The following CCDC92B variants were observed in gnomAD, a reference collection of about 807,000 sequenced individuals.
CCDC92B encodes coiled-coil domain-containing 92B.
Under a neutral mutation model 5.6 loss-of-function variants are expected in CCDC92B, and 2 were observed. That is an observed-to-expected ratio of 0.36 (90% CI 0.15 to 1.12). CCDC92B has a LOEUF of 1.12. Ranked by LOEUF, CCDC92B falls within the 50% of genes most tolerant of loss-of-function variation. CCDC92B has a pLI of 0.40. For synonymous variants in CCDC92B, 115 were observed against 122.3 expected, an observed-to-expected ratio of 0.94 and a Z score of 0.39; for missense variants, 271 against 262.2, an observed-to-expected ratio of 1.03 and a Z score of -0.23.
intron 3 of CCDC92B, among the ~76,000 whole-genome samples, chr17:2,728,386 T>G (rs1597234730): frequency 6.6e-6 from 1 of 150,902 alleles, no homozygotes; most frequent in East Asian, 2.0e-4. Flanking sequence ...GGTGGGTGGA[T>G]CACGAGGTCA....
intron 3 of CCDC92B, among the ~76,000 whole-genome samples, chr17:2,725,809 C>G (rs2070721880): frequency 6.6e-6 from 1 of 151,578 alleles, no homozygotes; most frequent in African/African-American, 2.4e-5. Flanking sequence ...GCAGAAGAGA[C>G]TTGAGCTAAG....
intron 3 of CCDC92B, among the ~76,000 whole-genome samples, chr17:2,725,331 C>T (rs1182427715): frequency 4.6e-5 from 7 of 151,860 alleles, no homozygotes; most frequent in Non-Finnish European, 8.8e-5. Flanking sequence ...TGCAGTGAGC[C>T]GAGATCACGC....
chr17:2,727,833 A>G (rs982668349), intron 3 of CCDC92B, among the ~76,000 whole-genome samples: 1 of 151,192 alleles, frequency 6.6e-6, no homozygotes, highest in African/African-American at 2.4e-5. Context: ...CAAAAAAAAA[A>G]AAAACGAAAG....
chr17:2,739,199 C>T (rs1276051271), intron 1 of CCDC92B, among the ~76,000 whole-genome samples: 1 of 149,588 alleles, frequency 6.7e-6, no homozygotes, highest in Non-Finnish European at 1.5e-5. Flanking sequence ...AACCCCATCT[C>T]TACTAAAAAT....
In CCDC92B at chr17:2,724,921, C is replaced by T. The variant is rs939789871; in HGVS notation, c.258G>A (p.Glu86=). The change falls in exon 4 of 4, where the codon GAG becomes GAA. Residue 86 remains glutamate, a synonymous_variant. Coordinates refer to ENST00000614400, the MANE Select transcript of CCDC92B (RefSeq NM_001355573.2). This position sits in a 1 kb window ranked among gnomAD's most constrained non-coding sequence, Gnocchi z 5.0. ...QLEARAAANA[E]LRREVAQREA... Reference sequence around the variant, plus strand: ...CGCGCTGCGCCACCTCCCGCCGCAGCTCCGCGTTGGCCGCAGCACGCGCCT... The same window carrying T: ...CGCGCTGCGCCACCTCCCGCCGCAGTTCCGCGTTGGCCGCAGCACGCGCCT... 2.4e-5 allele frequency: 24 copies of T among 985,312 alleles called. No individual in the cohort carries two copies. The highest frequency in any genetic ancestry group is 6.1e-5 in the Admixed American group (1 of 16,266). The allele number at this position is 985,312 out of a possible 1,614,324, so 61.0% of individuals were successfully genotyped here. A position where few individuals can be genotyped will look rare whatever the true frequency, so the allele number is the denominator to read the frequency against.
At chr17:2,747,922 T>G (rs2071006345) in intron 1 of CCDC92B, among the ~76,000 whole-genome samples, 1 of 152,190 alleles carries the variant, frequency 6.6e-6, no homozygotes, top group Admixed American at 6.5e-5. Flanking sequence ...ATTAACTCAT[T>G]TATCTTGGCA....
In CCDC92B at chr17:2,720,945, C is replaced by T. The variant is rs1264330391; in HGVS notation, c.*3466G>A. The T allele has an allele frequency of 6.6e-6, 1 of 152,248 alleles. No individual in the cohort carries two copies. The highest frequency in any genetic ancestry group is 6.5e-5 in the Admixed American group (1 of 15,284). 9.4% of individuals were successfully genotyped at this position (152,248 alleles called of 1,614,324 possible). On this transcript the variant is annotated 3_prime_UTR_variant, in exon 4 of 4. Transcript: ENST00000614400. ...ACAGAGAATTTGGAGCAGGGTCCCTCTGCCCTGCCACAGGGCTCCTGCCAG... is the reference window on the plus strand; with the variant it reads ...ACAGAGAATTTGGAGCAGGGTCCCTTTGCCCTGCCACAGGGCTCCTGCCAG...
intron 2 of CCDC92B, among the ~76,000 whole-genome samples, chr17:2,732,971 C>G (rs1423835968): frequency 6.6e-6 from 1 of 151,594 alleles, no homozygotes; most frequent in East Asian, 1.9e-4. Context: ...CGAGATCACG[C>G]CACTGCACTC....
chr17:2,742,509 T>A (rs1292756885), intron 1 of CCDC92B, among the ~76,000 whole-genome samples: 1 of 152,030 alleles, frequency 6.6e-6, no homozygotes, highest in African/African-American at 2.4e-5. Flanking sequence ...TTCATGATGA[T>A]AGGGAGGGGG....
At position 2,724,791 on chromosome 17, in the gene CCDC92B, G is replaced by T; in HGVS notation, c.388C>A (p.Leu130Met). 1.0e-6 allele frequency: 1 copy of T among 984,868 alleles called. No individual in the cohort carries two copies. Among genetic ancestry groups the T allele is most frequent in the Non-Finnish European group, 1.2e-6 (1 of 829,764 alleles). 61.0% of individuals were successfully genotyped at this position (984,868 alleles called of 1,614,324 possible). Reference protein sequence around the residue: ...SHRATVLGTELQKHTEAAAYL... With the variant: ...SHRATVLGTEMQKHTEAAAYL... ...GCGGCCGCCTCGGTGTGCTTCTGCA[G>T]CTCGGTGCCCAGCACGGTGGCGCGG... Residue 130 changes from leucine to methionine, a missense_variant, in exon 4 of 4, where the codon CTG becomes ATG. By Grantham distance (15) the Leu-to-Met change is conservative. Coordinates refer to ENST00000614400, the MANE Select transcript of CCDC92B (RefSeq NM_001355573.2). This position sits in a 1 kb window ranked among gnomAD's most constrained non-coding sequence, Gnocchi z 5.0.
chr17:2,730,240 G>A (rs897850019), intron 3 of CCDC92B, among the ~76,000 whole-genome samples: 1 of 152,104 alleles, frequency 6.6e-6, no homozygotes, highest in African/African-American at 2.4e-5. Flanking sequence ...AACTGAGGTG[G>A]TGCAGGTTGT....
intron 1 of CCDC92B, among the ~76,000 whole-genome samples, chr17:2,742,270 A>G (rs2070934655): frequency 6.6e-6 from 1 of 151,924 alleles, no homozygotes; most frequent in African/African-American, 2.4e-5. Flanking sequence ...GGGTCTCACT[A>G]TGTTGCCCAG....
chr17:2,733,545 C>G (rs2070821579), intron 2 of CCDC92B, among the ~76,000 whole-genome samples: 1 of 151,934 alleles, frequency 6.6e-6, no homozygotes, highest in African/African-American at 2.4e-5. Flanking sequence ...AGGCGTGAGC[C>G]ACCGTGCCCA....
intron 3 of CCDC92B, among the ~76,000 whole-genome samples, chr17:2,729,131 T>C (rs1032318669): frequency 7.2e-5 from 11 of 152,316 alleles, no homozygotes; most frequent in African/African-American, 2.4e-4. Flanking sequence ...CTTGGTTTCC[T>C]AAAGTCTTGG....
At chr17:2,726,581 T>C (rs2070733798) in intron 3 of CCDC92B, among the ~76,000 whole-genome samples, 1 of 152,038 alleles carries the variant, frequency 6.6e-6, no homozygotes, top group African/African-American at 2.4e-5. Flanking sequence ...CCTCCCAAAG[T>C]GCTGGGATTA....
rs977615264 is a variant in CCDC92B at position 2,724,269 on chromosome 17, T to A, written c.*142A>T. The A allele has an allele frequency of 4.9e-5, 48 of 984,992 alleles. No individual in the cohort carries two copies. The highest frequency in any genetic ancestry group is 5.2e-4 in the Middle Eastern group (1 of 1,936). 61.0% of individuals were successfully genotyped at this position (984,992 alleles called of 1,614,324 possible). A position where few individuals can be genotyped will look rare whatever the true frequency, so the allele number is the denominator to read the frequency against. On this transcript the variant is annotated 3_prime_UTR_variant, in exon 4 of 4. Transcript: ENST00000614400. The surrounding 1 kb of genome is among the most constrained non-coding windows in gnomAD (Gnocchi z 5.0). ...TACAAAAGGCTGGCGGTTCGGGGAT[T>A]TGGGGGGAGCCGGGGCCGCCTCGCC...
At position 2,724,877 on chromosome 17, in the gene CCDC92B, A is replaced by AGCGCG; in HGVS notation, c.297_301dup (p.Leu101ProfsTer297). The AGCGCG allele has an allele frequency of 1.0e-6, 1 of 985,126 alleles. No individual in the cohort carries two copies. The highest frequency in any genetic ancestry group is 1.2e-6 in the Non-Finnish European group (1 of 829,786). 61.0% of individuals were successfully genotyped at this position (985,126 alleles called of 1,614,324 possible). On this transcript the variant is annotated frameshift_variant, in exon 4 of 4. Coordinates refer to ENST00000614400, the MANE Select transcript of CCDC92B (RefSeq NM_001355573.2). LOFTEE classifies it low-confidence loss of function (END_TRUNC). This position sits in a 1 kb window ranked among gnomAD's most constrained non-coding sequence, Gnocchi z 5.0. ...CTCCTCGGTGCGCAGGCTGCAGCGC[A>AGCGCG]GCGCGGACACCAGCGCCTCGCGCTG...
At chr17:2,731,425 G>A (rs1195812646) in intron 2 of CCDC92B, among the ~76,000 whole-genome samples, 1 of 152,190 alleles carries the variant, frequency 6.6e-6, no homozygotes, top group Admixed American at 6.5e-5. Context: ...GATGCAGACC[G>A]ACTCGGGGGC....
intron 1 of CCDC92B, among the ~76,000 whole-genome samples, chr17:2,738,405 T>A (rs2070878912): frequency 6.6e-6 from 1 of 152,030 alleles, no homozygotes; most frequent in African/African-American, 2.4e-5. Flanking sequence ...CTGAGCCATT[T>A]TCCTTCCCCC....
Sources: allele counts gnomAD v4.1 joint callset (sites outside exome capture counted in the v4.1 genomes callset), GRCh38; gene constraint gnomAD v4.1.1; non-coding constraint Gnocchi (gnomAD v3.1); transcripts MANE v1.5; gene names NCBI Gene and HGNC (gene_info 2026-07-23, HGNC 2026-07-21).